ATF2: variants seen among roughly 807,000 people sequenced by gnomAD.
ATF2 encodes the protein cyclic AMP-dependent transcription factor ATF-2.
A neutral mutation model predicts 60.6 loss-of-function variants in ATF2; 24 were observed. The ratio of observed to expected loss-of-function variants is 0.40; its 90% CI spans 0.29 to 0.56. The LOEUF (loss-of-function observed/expected upper bound fraction) is 0.56. Among genes scored for constraint, ATF2 ranks in the 20% least tolerant of loss-of-function variants. ATF2 has a pLI of 0.54. For synonymous variants in ATF2, 206 were observed against 215.4 expected, an observed-to-expected ratio of 0.96 and a Z score of 0.38; for missense variants, 433 against 607.7, an observed-to-expected ratio of 0.71 and a Z score of 3.02.
chr2:175,135,562 G>T (rs911784053), intron 3 of ATF2, among the ~76,000 whole-genome samples: 1 of 152,176 alleles, frequency 6.6e-6, no homozygotes. Context: ...ATCACTGTAA[G>T]TTAGAACAAA....
intron 1 of ATF2, 60 bp downstream of exon 1, chr2:175,167,990 C>T (rs1700486220): frequency 3.1e-6 from 1 of 327,424 alleles, no homozygotes; most frequent in Non-Finnish European, 6.2e-6. Flanking sequence ...ATGTTAGCGC[C>T]TTCTTTCTCC....
chr2:175,122,083 C>T (rs1056806883), intron 4 of ATF2, among the ~76,000 whole-genome samples: 1 of 151,460 alleles, frequency 6.6e-6, no homozygotes, highest in South Asian at 2.1e-4. Context: ...AAATAGCAAC[C>T]GATACAATAA....
intron 12 of ATF2, among the ~76,000 whole-genome samples, chr2:175,081,817 G>A (rs1693776246): frequency 6.6e-6 from 1 of 152,172 alleles, no homozygotes. Flanking sequence ...TTGGGAGGCC[G>A]AGGCAGTTGT....
intron 2 of ATF2, among the ~76,000 whole-genome samples, chr2:175,142,708 A>AGT (rs1559109687): frequency 7.1e-5 from 9 of 127,048 alleles, no homozygotes; most frequent in African/African-American, 2.5e-4. Flanking sequence ...AGAGAGAGAG[A>AGT]GAGAGAGAGA....
intron 10 of ATF2, among the ~76,000 whole-genome samples, chr2:175,098,009 G>A (rs748429637): frequency 6.6e-6 from 1 of 152,122 alleles, no homozygotes; most frequent in South Asian, 2.1e-4. Context: ...TTAGAATGAG[G>A]CCCTAGATAT....
intron 1 of ATF2, among the ~76,000 whole-genome samples, chr2:175,160,929 T>A (rs1699989618): frequency 6.6e-6 from 1 of 152,032 alleles, no homozygotes; most frequent in South Asian, 2.1e-4. Context: ...TCCCAGCTAT[T>A]TGGGAGGCTT....
chr2:175,133,070 C>A (rs1697853202), intron 3 of ATF2, among the ~76,000 whole-genome samples: 1 of 149,130 alleles, frequency 6.7e-6, no homozygotes, highest in Non-Finnish European at 1.5e-5. Context: ...GCCTGGGCAA[C>A]AGAGTGAGAC....
intron 11 of ATF2, among the ~76,000 whole-genome samples, chr2:175,095,219 TC>T (rs1323964753): frequency 6.6e-6 from 1 of 151,970 alleles, no homozygotes; most frequent in Non-Finnish European, 1.5e-5. Context: ...CTACTCAGCC[TC>T]CCGAGTAGCT....
chr2:175,115,109 C>G (rs1442620758), intron 7 of ATF2, among the ~76,000 whole-genome samples: 1 of 150,356 alleles, frequency 6.7e-6, no homozygotes, highest in African/African-American at 2.4e-5. Flanking sequence ...ACTTGTTCTC[C>G]TATCAATCCA....
chr2:175,135,838 A>T (rs554922446), intron 3 of ATF2, among the ~76,000 whole-genome samples: 48 of 152,296 alleles, frequency 3.2e-4, no homozygotes, highest in African/African-American at 1.1e-3. Context: ...TAGCAAATAT[A>T]TTTGACTCAA....
Position 175,075,178 on chromosome 2 carries a change from C to T in ATF2, c.1292-343G>A. The T allele has an allele frequency of 3.7e-6, 3 of 820,080 alleles. No individual in the cohort carries two copies. The South Asian group carries it at 6.3e-5, about 17-fold the overall frequency. 50.8% of individuals were successfully genotyped at this position (820,080 alleles called of 1,614,324 possible). A position where few individuals can be genotyped will look rare whatever the true frequency, so the allele number is the denominator to read the frequency against. On this transcript the variant is annotated intron_variant, in intron 13 of 13. Coordinates refer to ENST00000264110, the MANE Select transcript of ATF2 (RefSeq NM_001880.4). ...AACATTAAGTATCACATTTAACAAA[C>T]TCAGTCTGGTTGGCCTACATGTCAT...
At chr2:175,094,530 T>G (rs543357593) in intron 11 of ATF2, among the ~76,000 whole-genome samples, 1 of 150,710 alleles carries the variant, frequency 6.6e-6, no homozygotes, top group African/African-American at 2.4e-5. Context: ...ATCTTTTACC[T>G]ATAATTTATT....
rs766895173 is a variant in ATF2, at chr2:175,080,773, A to C, written c.1186-8T>G. The C allele has an allele frequency of 6.2e-7, 1 of 1,606,586 alleles. No individual in the cohort carries two copies. The stretch of plus-strand genomic sequence containing the variant: ...CAGCAGGGTGACTTCACTCTGGAGA[A>C]GAAACAACTTATGTACCTTACCACA... On this transcript the variant is annotated splice_region_variant and splice_polypyrimidine_tract_variant and intron_variant, in intron 12 of 13. Transcript: ENST00000264110.
intron 7 of ATF2, among the ~76,000 whole-genome samples, chr2:175,115,964 G>A (rs1277357905): frequency 6.6e-6 from 1 of 152,024 alleles, no homozygotes; most frequent in African/African-American, 2.4e-5. Flanking sequence ...GTAGGGAGAA[G>A]GAAGCAATAC....
rs573094101 is a variant in ATF2 at position 175,147,118 on chromosome 2, A to G, written c.-44+3942T>C. 4.1e-3 allele frequency among the ~76,000 whole-genome samples: 626 copies of G among 152,300 alleles called. 4 individuals are homozygous for G. The highest frequency in any genetic ancestry group is 0.015 in the African/African-American group (611 of 41,568). On this transcript the variant is annotated intron_variant, in intron 2 of 13. Coordinates refer to ENST00000264110, the MANE Select transcript of ATF2 (RefSeq NM_001880.4). The stretch of plus-strand genomic sequence containing the variant: ...ATAATTTACAAATCAGAAGACTCAA[A>G]GGGTGATATCATATAATCATTTATT...
chr2:175,078,868 A>C (rs1331155212), intron 13 of ATF2, among the ~76,000 whole-genome samples: 1 of 152,176 alleles, frequency 6.6e-6, no homozygotes, highest in Non-Finnish European at 1.5e-5. Flanking sequence ...AATTACCTGA[A>C]AATTTCTACA....
chr2:175,096,773 AAAAG>A (rs1220746562), intron 11 of ATF2, among the ~76,000 whole-genome samples: 3 of 152,218 alleles, frequency 2.0e-5, no homozygotes, highest in African/African-American at 7.2e-5. Flanking sequence ...TGCTACTTGA[AAAAG>A]AACGTAAGAT....
chr2:175,156,377 C>CAAAAAAAAAAAAA (rs57399474), intron 1 of ATF2, among the ~76,000 whole-genome samples: 1 of 55,982 alleles, frequency 1.8e-5, no homozygotes, highest in Non-Finnish European at 3.7e-5. Context: ...TCTCAAAAAA[C>CAAAAAAAAAAAAA]AAAAAAAAAA....
intron 4 of ATF2, among the ~76,000 whole-genome samples, chr2:175,123,982 C>T (rs1311492249): frequency 3.3e-5 from 5 of 151,884 alleles, no homozygotes. Flanking sequence ...AAGGCAGTCA[C>T]CAGAAGTTTA....
Sources: allele counts gnomAD v4.1 joint callset (sites outside exome capture counted in the v4.1 genomes callset), GRCh38; gene constraint gnomAD v4.1.1; transcripts MANE v1.5; gene names NCBI Gene and HGNC (gene_info 2026-07-23, HGNC 2026-07-21).